Variants in RBM5 observed in about 807,000 individuals in gnomAD.
The protein encoded by RBM5 is RNA-binding protein 5.
RBM5 carries 15 observed loss-of-function variants against 124.6 expected under a neutral mutation model. The ratio of observed to expected loss-of-function variants is 0.12; its 90% CI spans 0.08 to 0.19. The LOEUF (loss-of-function observed/expected upper bound fraction) is 0.19. Among genes scored for constraint, RBM5 ranks in the 10% least tolerant of loss-of-function variants. The pLI is 1.00. For synonymous variants in RBM5, 337 were observed against 361.2 expected, an observed-to-expected ratio of 0.93 and a Z score of 0.76; for missense variants, 580 against 1,026.5, an observed-to-expected ratio of 0.57 and a Z score of 5.94.
rs113516357 is a variant in RBM5, at chr3:50,113,181, A to G, written c.1456-202A>G. ...GAACTAAACTTTTTAAAGAAATCATATTCTATTTTTACTCTAGCAGTGTCA... is the reference window on the plus strand; with the variant it reads ...GAACTAAACTTTTTAAAGAAATCATGTTCTATTTTTACTCTAGCAGTGTCA... On this transcript the variant is annotated intron_variant, in intron 17 of 24. Coordinates refer to ENST00000347869, the MANE Select transcript of RBM5 (RefSeq NM_005778.4). 372 of 438,170 alleles carry G rather than the reference A, an allele frequency of 8.5e-4. 4 individuals carry two copies. Among genetic ancestry groups the G allele is most frequent in the African/African-American group, 6.8e-3 (331 of 48,930 alleles). The allele number at this position is 438,170 out of a possible 1,614,324, so 27.1% of individuals were successfully genotyped here.
intron 1 of RBM5, among the ~76,000 whole-genome samples, chr3:50,089,280 T>G (rs376110468): frequency 1.3e-5 from 2 of 152,330 alleles, no homozygotes; most frequent in Non-Finnish European, 2.9e-5. Context: ...TGGATACACG[T>G]CCCCTAATCT....
chr3:50,103,284 T>C (rs1297117992), intron 7 of RBM5, 118 bp downstream of exon 7: 1 of 859,622 alleles, frequency 1.2e-6, no homozygotes, highest in African/African-American at 1.7e-5. Flanking sequence ...GTAATATTCA[T>C]GGTTTGTTAC....
intron 7 of RBM5, among the ~76,000 whole-genome samples, chr3:50,103,867 T>C (rs2090986426): frequency 6.6e-6 from 1 of 152,226 alleles, no homozygotes; most frequent in East Asian, 1.9e-4. Context: ...GTGCTCAAAC[T>C]GTGTCCCCTG....
intron 10 of RBM5, among the ~76,000 whole-genome samples, 190 bp downstream of exon 10, chr3:50,105,899 AG>A (rs1407177007): frequency 1.3e-5 from 2 of 152,130 alleles, no homozygotes; most frequent in African/African-American, 4.8e-5. Context: ...GTATACCTAT[AG>A]GCAACTGGCA....
intron 4 of RBM5, among the ~76,000 whole-genome samples, chr3:50,098,027 G>C (rs1386084568): frequency 6.6e-6 from 1 of 152,110 alleles, no homozygotes; most frequent in African/African-American, 2.4e-5. Context: ...AACCCAGGAG[G>C]CGGAGGTTGC....
chr3:50,116,381 G>T (rs535764672), intron 22 of RBM5: 1 of 189,956 alleles, frequency 5.3e-6, no homozygotes, highest in Non-Finnish European at 1.1e-5. Context: ...GAAAGGAAGG[G>T]TGGGCAGGGC....
intron 14 of RBM5, 29 bp downstream of exon 14, chr3:50,108,333 T>G: frequency 1.3e-6 from 2 of 1,553,124 alleles, no homozygotes; most frequent in East Asian, 2.2e-5. Context: ...CTTTTACCTT[T>G]TGTTTAAGCA....
intron 4 of RBM5, 65 bp from the exon 5 acceptor site, chr3:50,099,917 C>A: frequency 7.3e-7 from 1 of 1,379,038 alleles, no homozygotes; most frequent in Non-Finnish European, 1.0e-6. Context: ...TGATGTAATT[C>A]CTATTCCATG....
chr3:50,094,698 G>T (rs2624834), intron 4 of RBM5, among the ~76,000 whole-genome samples: 132,682 of 152,128 alleles, frequency 0.87, 58,181 homozygotes, highest in African/African-American at 0.96. Context: ...GGACTAAAAG[G>T]TTTGACTGCC....
intron 14 of RBM5, among the ~76,000 whole-genome samples, chr3:50,108,758 A>ACC (rs1221899381): frequency 6.6e-6 from 1 of 152,164 alleles, no homozygotes; most frequent in East Asian, 1.9e-4. Flanking sequence ...GTCATCATGT[A>ACC]CCCAAGGTTC....
chr3:50,108,338 T>G (rs1371946838), intron 14 of RBM5, 34 bp downstream of exon 14: 2 of 1,537,218 alleles, frequency 1.3e-6, no homozygotes, highest in Non-Finnish European at 1.8e-6. Context: ...ACCTTTTGTT[T>G]AAGCACTTAC....
In RBM5 at chr3:50,109,697, G is replaced by T; in HGVS notation, c.1278+9G>T. ...ATCCACCTGGCTCTCCGGTAATCCT[G>T]TTGTCCTATATACAAAACTCGTGGC... On this transcript the variant is annotated intron_variant, in intron 15 of 24. Coordinates refer to ENST00000347869, the MANE Select transcript of RBM5 (RefSeq NM_005778.4). 1 of 1,607,846 alleles carries T rather than the reference G, an allele frequency of 6.2e-7. No homozygotes were observed. The highest frequency in any genetic ancestry group is 8.5e-7 in the Non-Finnish European group (1 of 1,174,352).
chr3:50,117,280 T>G lies in RBM5; in HGVS notation c.2223T>G (p.Ile741Met), dbSNP rs1488656773. ...ACGAGCAACCCACCAAAGATGGCAT[T>G]GACCACAGTAACATTGGCAACAAGA... is the stretch of plus-strand genomic sequence containing the variant. ...VNYEQPTKDG[I>M]DHSNIGNKML... Residue 741 changes from isoleucine (I) to methionine (M), a missense_variant, in exon 24 of 25, where the codon ATT becomes ATG. Coordinates refer to ENST00000347869, the MANE Select transcript of RBM5 (RefSeq NM_005778.4). This position sits in a 1 kb window ranked among gnomAD's most constrained non-coding sequence, Gnocchi z 4.2. 19 of 1,614,116 alleles carry G rather than the reference T, an allele frequency of 1.2e-5. No individual in the cohort carries two copies. Among genetic ancestry groups the G allele is most frequent in the Non-Finnish European group, 1.6e-5 (19 of 1,180,052 alleles).
At chr3:50,104,194 T>C (rs1163667527) in intron 7 of RBM5, 54 bp from the exon 8 acceptor site, 2 of 1,510,272 alleles carry the variant, frequency 1.3e-6, no homozygotes. Flanking sequence ...TTATTGTTAC[T>C]AGAAAGCCTG....
Position 50,110,436 on chromosome 3 carries a change from A to G in RBM5, c.1336A>G (p.Thr446Ala), listed in dbSNP as rs769353737. 6.2e-6 allele frequency: 10 copies of G among 1,614,128 alleles called. No individual in the cohort carries two copies. In the Admixed American group the frequency reaches 1.2e-4, roughly 19 times the overall value. ...TACACAGGCCCCAGCCGCTTCCCCT[A>G]CTGGTGTAGTTCCTGGTACCAAATA... The part of the protein sequence containing the change: ...TSTQAPAASP[T>A]GVVPGTKYAV... The change falls in exon 16 of 25, where the codon ACT becomes GCT. Residue 446 changes from threonine (T) to alanine (A), a missense_variant. Around this residue, in one of 6 missense-constraint regions of RBM5, gnomAD observed 104 missense variants for 128.7 expected, o/e 0.81. Transcript: ENST00000347869.
At chr3:50,094,399 G>A (rs1054830628) in intron 4 of RBM5, 2 of 152,214 alleles carry the variant, frequency 1.3e-5, no homozygotes, top group Non-Finnish European at 2.9e-5. Context: ...GCCTCCCAAA[G>A]TGCTGGGATT....
chr3:50,100,725 T>C lies in RBM5; in HGVS notation c.483+120T>C. On this transcript the variant is annotated intron_variant, in intron 6 of 24. Coordinates refer to ENST00000347869, the MANE Select transcript of RBM5 (RefSeq NM_005778.4). The surrounding 1 kb of genome is among the most constrained non-coding windows in gnomAD (Gnocchi z 5.1). ...TGACTTTTTTTTAAAAAAAAAGCTT[T>C]GTATATATTAAAATTGATGTTACTA... is the stretch of plus-strand genomic sequence containing the variant. 2.8e-6 allele frequency: 2 copies of C among 719,214 alleles called. No homozygotes were observed. The highest frequency in any genetic ancestry group is 2.7e-5 in the East Asian group (1 of 36,930). 44.6% of individuals were successfully genotyped at this position (719,214 alleles called of 1,614,324 possible). A position where few individuals can be genotyped will look rare whatever the true frequency, so the allele number is the denominator to read the frequency against.
At position 50,092,094 on chromosome 3, in the gene RBM5, T is replaced by C. The variant is rs1294998748; in HGVS notation, c.69T>C (p.Asp23=). Residue 23 remains aspartate, a synonymous_variant, in exon 3 of 25, where the codon GAT becomes GAC. Transcript: ENST00000347869. The part of the protein sequence containing the change: ...SGRYGSIIDR[D]DRDERESRSR... ...GATACGGTTCCATCATAGACAGGGA[T>C]GACCGTGATGAGCGTGAATCCCGAA... 1.9e-6 allele frequency: 3 copies of C among 1,613,996 alleles called. No individual in the cohort carries two copies. In the Admixed American group the frequency reaches 5.0e-5, roughly 27 times the overall value.
At chr3:50,110,918 A>G (rs375086339) in intron 17 of RBM5, 148 bp downstream of exon 17, 2 of 641,088 alleles carry the variant, frequency 3.1e-6, no homozygotes, top group South Asian at 2.4e-5. Context: ...TAATTTTTAT[A>G]TGGAGATTGT....
Sources: allele counts gnomAD v4.1 joint callset (sites outside exome capture counted in the v4.1 genomes callset), GRCh38; gene constraint gnomAD v4.1.1; regional missense constraint gnomAD v4.1.1; non-coding constraint Gnocchi (gnomAD v3.1); transcripts MANE v1.5; gene names NCBI Gene and HGNC (gene_info 2026-07-23, HGNC 2026-07-21).